The following PDE12 variants were observed in gnomAD, a reference collection of about 807,000 sequenced individuals.
PDE12 encodes 2',5'-phosphodiesterase 12.
A neutral mutation model predicts 45.4 loss-of-function variants in PDE12; 26 were observed. The observed-to-expected ratio is 0.57, with a 90% CI of 0.42 to 0.79. PDE12 has a LOEUF of 0.79. PDE12 is among the 30% of genes least tolerant of loss of function. The pLI is 0.00. For missense variants in PDE12, 668 were observed against 790.0 expected (o/e 0.85, Z 1.85); for synonymous variants, 283 against 323.9 (o/e 0.87, Z 1.36).
the PDE12 span, chr3:57,572,224 A>C: frequency 6.2e-7 from 1 of 1,613,852 alleles, no homozygotes; most frequent in African/African-American, 1.3e-5. Flanking sequence ...AACGTTTTGA[A>C]AGCTCATTTG....
the PDE12 span, among the ~76,000 whole-genome samples, chr3:57,608,043 C>A: frequency 6.6e-6 from 1 of 152,152 alleles, no homozygotes; most frequent in African/African-American, 2.4e-5. Context: ...GAGCTCTCGG[C>A]AGAAACTCTA....
At chr3:57,591,542 C>A in the PDE12 span, among the ~76,000 whole-genome samples, 1 of 151,516 alleles carries the variant, frequency 6.6e-6, no homozygotes. Context: ...TCTCAGCTCA[C>A]TGCAACCTCC....
At chr3:57,569,358 A>T (rs2069813999), downstream of PDE12, among the ~76,000 whole-genome samples, 2 of 149,330 alleles carry the variant, frequency 1.3e-5, no homozygotes, top group African/African-American at 4.8e-5. Flanking sequence ...ATACTTTATT[A>T]TTATTATTAT....
At position 57,559,389 on chromosome 3, in the gene PDE12, G is replaced by A; in HGVS notation, c.1387+1G>A. On this transcript the variant is annotated splice_donor_variant, in intron 2 of 2. Coordinates refer to ENST00000311180, the MANE Select transcript of PDE12 (RefSeq NM_177966.7). LOFTEE classifies it high-confidence loss of function. ...ACCCATCTTTACTGGCATCCTAAAG[G>A]TAGGTTTTATTTGGTATCACAAGTG... 6.2e-7 allele frequency: 1 copy of A among 1,608,204 alleles called. No individual in the cohort carries two copies.
the PDE12 span, among the ~76,000 whole-genome samples, chr3:57,643,764 T>C: frequency 1.3e-5 from 2 of 150,358 alleles, no homozygotes; most frequent in South Asian, 2.1e-4. Flanking sequence ...GAGGTGAAGT[T>C]TGCAGTGAGC....
chr3:57,646,312 T>C, the PDE12 span: 1 of 1,600,398 alleles, frequency 6.2e-7, no homozygotes, highest in Admixed American at 1.8e-5. Context: ...CCAAATAGAC[T>C]CACTTAACAA....
chr3:57,643,006 CAAAA>C, the PDE12 span, among the ~76,000 whole-genome samples: 1 of 104,564 alleles, frequency 9.6e-6, no homozygotes, highest in African/African-American at 4.1e-5. Context: ...GACTTCATCT[CAAAA>C]AAAAAAAAAA....
rs1428882498 is a variant in PDE12 at position 57,561,152 on chromosome 3, C to A, written c.*1148C>A. The A allele has an allele frequency of 3.0e-6, 3 of 984,904 alleles. No homozygotes were observed. The highest frequency in any genetic ancestry group is 3.6e-6 in the Non-Finnish European group (3 of 829,266). The allele number at this position is 984,904 out of a possible 1,614,324, so 61.0% of individuals were successfully genotyped here. A position where few individuals can be genotyped will look rare whatever the true frequency, so the allele number is the denominator to read the frequency against. On this transcript the variant is annotated 3_prime_UTR_variant, in exon 3 of 3. Transcript: ENST00000311180. ...CCCATTGTCTTCAGTTACTCTTGCC[C>A]ATGAAAAATGTTCATAAATGAACAG...
the PDE12 span, chr3:57,641,809 G>A: frequency 7.2e-7 from 1 of 1,381,966 alleles, no homozygotes; most frequent in Non-Finnish European, 1.0e-6. Context: ...CTAAATCAGT[G>A]AAGAATAGTT....
chr3:57,598,385 T>C, the PDE12 span, among the ~76,000 whole-genome samples: 3 of 152,320 alleles, frequency 2.0e-5, no homozygotes, highest in African/African-American at 7.2e-5. Flanking sequence ...TAAGTTATTT[T>C]TATATTTTTG....
In PDE12 at chr3:57,557,589, G is replaced by T; in HGVS notation, c.1210G>T (p.Ala404Ser). The T allele has an allele frequency of 6.2e-7, 1 of 1,614,086 alleles. No individual in the cohort carries two copies. Among genetic ancestry groups the T allele is most frequent in the Non-Finnish European group, 8.5e-7 (1 of 1,180,026 alleles). ...CCAGCATGACATTTCATTCTACGAA[G>T]CCCTCGAGTCCGACCCACTTCACAA... ...LSQHDISFYE[A>S]LESDPLHKEL... Residue 404 changes from alanine (A) to serine (S), a missense_variant, in exon 1 of 3, where the codon GCC (alanine) becomes TCC (serine). By Grantham distance (99) the Ala-to-Ser change is moderately conservative. Coordinates refer to ENST00000311180, the MANE Select transcript of PDE12 (RefSeq NM_177966.7).
At chr3:57,622,541 C>T in the PDE12 span, among the ~76,000 whole-genome samples, 1 of 152,054 alleles carries the variant, frequency 6.6e-6, no homozygotes, top group Non-Finnish European at 1.5e-5. Context: ...AAACATTCAC[C>T]CACCATATGA....
chr3:57,604,743 G>A, the PDE12 span, among the ~76,000 whole-genome samples: 1 of 151,542 alleles, frequency 6.6e-6, no homozygotes, highest in Non-Finnish European at 1.5e-5. Flanking sequence ...CTCCTGAGCA[G>A]CTTGGACTAT....
the PDE12 span, among the ~76,000 whole-genome samples, chr3:57,593,835 G>A: frequency 6.6e-6 from 1 of 152,074 alleles, no homozygotes; most frequent in African/African-American, 2.4e-5. Flanking sequence ...CCAAGAACAG[G>A]CAAGATAGTG....
At chr3:57,628,211 A>G in the PDE12 span, 25 of 1,610,332 alleles carry the variant, frequency 1.6e-5, no homozygotes, top group Admixed American at 6.8e-5. Context: ...ATCTTGGCAA[A>G]TATCATGTCA....
chr3:57,645,495 G>A, the PDE12 span, among the ~76,000 whole-genome samples: 2 of 151,842 alleles, frequency 1.3e-5, no homozygotes, highest in Non-Finnish European at 2.9e-5. Context: ...ACATAAAATC[G>A]CTCAAATAAG....
At chr3:57,647,173 TAAAAA>T in the PDE12 span, among the ~76,000 whole-genome samples, 1 of 151,338 alleles carries the variant, frequency 6.6e-6, no homozygotes, top group African/African-American at 2.4e-5. Context: ...CACATGCAAA[TAAAAA>T]AGAAAAGAAA....
At chr3:57,582,922 G>A in the PDE12 span, among the ~76,000 whole-genome samples, 3 of 152,186 alleles carry the variant, frequency 2.0e-5, no homozygotes, top group Non-Finnish European at 2.9e-5. Flanking sequence ...TAGAACAGTG[G>A]TTCTCAGCAG....
chr3:57,575,484 C>A, the PDE12 span: 1 of 1,464,772 alleles, frequency 6.8e-7, no homozygotes. Flanking sequence ...TGAATATTAG[C>A]TTACACAACT....
Sources: allele counts gnomAD v4.1 joint callset (sites outside exome capture counted in the v4.1 genomes callset), GRCh38; gene constraint gnomAD v4.1.1; transcripts MANE v1.5; gene names NCBI Gene and HGNC (gene_info 2026-07-23, HGNC 2026-07-21).